Variants in KAZN observed in about 807,000 individuals in gnomAD.
The protein encoded by KAZN is kazrin.
In KAZN, 40 loss-of-function variants were observed where a neutral mutation model predicts 87.4. That is an observed-to-expected ratio of 0.46 (90% confidence interval 0.36 to 0.60). KAZN has a LOEUF of 0.60. Among genes scored for constraint, KAZN ranks in the 20% least tolerant of loss-of-function variants. The pLI is 0.00. For missense variants in KAZN, 898 were observed against 1,073.9 expected, an observed-to-expected ratio of 0.84 and a Z score of 2.29; for synonymous variants, 466 against 458.3, an observed-to-expected ratio of 1.02 and a Z score of -0.22.
chr1:14,227,157 A>G (rs1168527763), intron 2 of KAZN, among the ~76,000 whole-genome samples: 1 of 152,166 alleles, frequency 6.6e-6, no homozygotes, highest in Non-Finnish European at 1.5e-5. Flanking sequence ...ACAACCTCAA[A>G]TACAGATTGA....
At chr1:14,870,261 C>T (rs1001323172) in intron 1 of KAZN, among the ~76,000 whole-genome samples, 1 of 152,190 alleles carries the variant, frequency 6.6e-6, no homozygotes, top group African/African-American at 2.4e-5. Context: ...AAGGGTGAGT[C>T]CCAGCTCTGC....
intron 2 of KAZN, among the ~76,000 whole-genome samples, chr1:14,182,575 G>C (rs1646220451): frequency 6.6e-6 from 1 of 152,186 alleles, no homozygotes; most frequent in East Asian, 1.9e-4. Flanking sequence ...TATCCTGCTA[G>C]TGTCTCAGAT....
intron 1 of KAZN, among the ~76,000 whole-genome samples, chr1:14,058,183 C>T (rs538932403): frequency 6.6e-6 from 1 of 152,158 alleles, no homozygotes; most frequent in African/African-American, 2.4e-5. Flanking sequence ...ATAGGTCCAA[C>T]TGAGAAGCAA....
intron 1 of KAZN, among the ~76,000 whole-genome samples, chr1:14,078,254 A>G (rs1643537695): frequency 1.3e-5 from 2 of 152,142 alleles, no homozygotes; most frequent in Non-Finnish European, 2.9e-5. Flanking sequence ...CTTGTTCATA[A>G]TTATACATGT....
At position 14,469,946 on chromosome 1, in the gene KAZN, T is replaced by A. The variant is rs1309753828; in HGVS notation, c.250-129037T>A. ...TGTTTTATAAAACACAAAGAAATAG[T>A]GTCATGGTTGGGAGCCAAATGGATG... On this transcript the variant is annotated intron_variant, in intron 2 of 16. Transcript: ENST00000636203. 2.0e-5 allele frequency among the ~76,000 whole-genome samples: 3 copies of A among 152,260 alleles called. 1 individual carries two copies. In the Middle Eastern group the frequency reaches 0.01, roughly 518 times the overall value.
chr1:15,065,606 T>C (rs762456284), intron 7 of KAZN, 24 bp from the exon 8 acceptor site: 3 of 1,585,440 alleles, frequency 1.9e-6, no homozygotes, highest in Non-Finnish European at 2.6e-6. Context: ...CCCACCCTCT[T>C]CCACGTGGCT....
chr1:14,420,787 G>A (rs1036460522), intron 2 of KAZN, among the ~76,000 whole-genome samples: 4 of 151,988 alleles, frequency 2.6e-5, no homozygotes, highest in Non-Finnish European at 5.9e-5. Context: ...GCACCAGCCG[G>A]CCACTCCCGA....
At chr1:13,898,729 A>T (rs1639137237) in intron 1 of KAZN, among the ~76,000 whole-genome samples, 2 of 152,162 alleles carry the variant, frequency 1.3e-5, no homozygotes, top group Non-Finnish European at 2.9e-5. Context: ...ACCATGCAGA[A>T]ACTCAGACAT....
intron 1 of KAZN, among the ~76,000 whole-genome samples, chr1:14,152,672 A>C (rs1273015704): frequency 3.9e-5 from 6 of 152,216 alleles, no homozygotes; most frequent in African/African-American, 1.4e-4. Context: ...TATCTCTTTA[A>C]CATAGAGATT....
chr1:14,912,420 A>T (rs1657350972), intron 1 of KAZN, among the ~76,000 whole-genome samples: 1 of 152,162 alleles, frequency 6.6e-6, no homozygotes, highest in South Asian at 2.1e-4. Context: ...GAGGGGACCT[A>T]CCACAGTGGG....
At chr1:13,915,032 C>T (rs1639791284) in intron 1 of KAZN, among the ~76,000 whole-genome samples, 1 of 152,164 alleles carries the variant, frequency 6.6e-6, no homozygotes, top group South Asian at 2.1e-4. Context: ...CTTTGAGCTG[C>T]TAAGTTAGTG....
chr1:14,438,474 C>G (rs1204489094), intron 2 of KAZN, among the ~76,000 whole-genome samples: 2 of 152,132 alleles, frequency 1.3e-5, no homozygotes, highest in African/African-American at 2.4e-5. Flanking sequence ...CATGTGGAGG[C>G]AAGAGAGTAA....
Position 14,849,930 on chromosome 1 carries a change from T to A in KAZN, c.227-110754T>A, listed in dbSNP as rs538167355. On this transcript the variant is annotated intron_variant, in intron 1 of 14. Coordinates refer to ENST00000376030, the MANE Select transcript of KAZN (RefSeq NM_201628.3). ...AAGAAAGGCACTTGGGTAGATTTTC[T>A]ACCCCCCCTTTTTTTTTTTTTTGAA... Among the ~76,000 whole-genome samples the A allele has an allele frequency of 3.4e-5, 5 of 145,492 alleles. No individual in the cohort carries two copies. The East Asian group carries it at 9.8e-4, about 28-fold the overall frequency.
At chr1:14,226,298 A>T (rs1042055512) in intron 2 of KAZN, among the ~76,000 whole-genome samples, 1 of 152,198 alleles carries the variant, frequency 6.6e-6, no homozygotes, top group African/African-American at 2.4e-5. Context: ...CAACAAGCAT[A>T]TGAAAAAAAT....
intron 2 of KAZN, among the ~76,000 whole-genome samples, chr1:14,347,503 T>C (rs1658190743): frequency 6.6e-6 from 1 of 152,110 alleles, no homozygotes; most frequent in South Asian, 2.1e-4. Context: ...TTGTTTAAAT[T>C]GGTATTTGAA....
intron 1 of KAZN, among the ~76,000 whole-genome samples, chr1:14,686,022 C>T (rs1640930741): frequency 1.3e-5 from 2 of 152,150 alleles, no homozygotes; most frequent in Admixed American, 6.5e-5. Context: ...GAATGTCTTC[C>T]TCTTTTTGTC....
rs183546500 is a variant in KAZN at position 15,008,063 on chromosome 1, T to C, written c.419-26686T>C. Among the ~76,000 whole-genome samples the C allele has an allele frequency of 6.6e-5, 10 of 152,308 alleles. No homozygotes were observed. The East Asian group carries it at 1.9e-3, about 29-fold the overall frequency. On this transcript the variant is annotated intron_variant, in intron 2 of 14. Transcript: ENST00000376030. ...TTTAAATGAAATAACTGTTTTGGCC[T>C]TGAGGCCTGCTGAGGCTCCTGGAGG...
chr1:13,923,070 T>G (rs10927957), intron 1 of KAZN, among the ~76,000 whole-genome samples: 56,877 of 151,778 alleles, frequency 0.37, 11,262 homozygotes, highest in African/African-American at 0.51. Flanking sequence ...GGGATTAGGA[T>G]TACTGACATC....
At chr1:14,958,056 T>G (rs992172289) in intron 1 of KAZN, among the ~76,000 whole-genome samples, 1 of 152,106 alleles carries the variant, frequency 6.6e-6, no homozygotes, top group African/African-American at 2.4e-5. Flanking sequence ...AGGCCGCTGG[T>G]GGGAGAGAGG....
Sources: allele counts gnomAD v4.1 joint callset (sites outside exome capture counted in the v4.1 genomes callset), GRCh38; gene constraint gnomAD v4.1.1; transcripts MANE v1.5; gene names NCBI Gene and HGNC (gene_info 2026-07-23, HGNC 2026-07-21).